UTS2B: variants seen among roughly 807,000 people sequenced by gnomAD.
The protein encoded by UTS2B is urotensin 2B.
UTS2B carries 21 observed loss-of-function variants against 19.2 expected under a neutral mutation model. The ratio of observed to expected loss-of-function variants is 1.09; its 90% CI spans 0.78 to 1.58. UTS2B has a LOEUF of 1.58. Among genes scored for constraint, UTS2B ranks in the 40% most tolerant of loss-of-function variants. The pLI is 0.00. For missense variants in UTS2B, 138 were observed against 130.3 expected, an observed-to-expected ratio of 1.06 and a Z score of -0.29; for synonymous variants, 57 against 50.2, an observed-to-expected ratio of 1.14 and a Z score of -0.58.
intron 2 of UTS2B, among the ~76,000 whole-genome samples, chr3:191,317,012 G>C (rs1384238202): frequency 6.6e-6 from 1 of 152,258 alleles, no homozygotes; most frequent in Non-Finnish European, 1.5e-5. Context: ...CTGCGTGCCT[G>C]CACTCCTCAT....
chr3:191,299,821 C>G lies in UTS2B; in HGVS notation c.-125+4671G>C, dbSNP rs1396783687. On this transcript the variant is annotated intron_variant, in intron 4 of 8. Coordinates refer to ENST00000340524, the MANE Select transcript of UTS2B (RefSeq NM_198152.5). Reference sequence around the variant, plus strand: ...GAGCCACAAGAAATCAACACCAGCCCTTGAGAGCAGCCACGGGGGCTGAAC... The same window carrying G: ...GAGCCACAAGAAATCAACACCAGCCGTTGAGAGCAGCCACGGGGGCTGAAC... 2.6e-5 allele frequency among the ~76,000 whole-genome samples: 4 copies of G among 152,222 alleles called. No individual in the cohort carries two copies. The East Asian group carries it at 5.8e-4, about 22-fold the overall frequency.
intron 4 of UTS2B, among the ~76,000 whole-genome samples, chr3:191,291,019 G>A (rs1212789884): frequency 6.6e-6 from 1 of 152,144 alleles, no homozygotes; most frequent in Non-Finnish European, 1.5e-5. Flanking sequence ...CGGAAGGAAG[G>A]AAGCAAAAGT....
Position 191,282,306 on chromosome 3 carries a change from C to A in UTS2B, c.-117G>T. 7 of 646,768 alleles carry A rather than the reference C, an allele frequency of 1.1e-5. No homozygotes were observed. Among genetic ancestry groups the A allele is most frequent in the South Asian group, 9.0e-5 (4 of 44,682 alleles). 40.1% of individuals were successfully genotyped at this position (646,768 alleles called of 1,614,324 possible). A position where few individuals can be genotyped will look rare whatever the true frequency, so the allele number is the denominator to read the frequency against. ...GCAAAAGGCAAGTGTGCCTCAGTTA[C>A]GAATGATCTAGATGAAGGAAAAAGA... On this transcript the variant is annotated 5_prime_UTR_variant, in exon 5 of 9. Coordinates refer to ENST00000340524, the MANE Select transcript of UTS2B (RefSeq NM_198152.5).
chr3:191,278,045 T>C, intron 6 of UTS2B, 27 bp downstream of exon 6: 1 of 1,197,674 alleles, frequency 8.3e-7, no homozygotes, highest in Non-Finnish European at 1.2e-6. Flanking sequence ...TTTTAATAAA[T>C]AGAGCTTGAC....
At chr3:191,339,848 T>G in the UTS2B span, among the ~76,000 whole-genome samples, 1 of 152,312 alleles carries the variant, frequency 6.6e-6, no homozygotes, top group Non-Finnish European at 1.5e-5. Context: ...GGCACCAGGT[T>G]GAACAAAAGG....
At chr3:191,268,564 G>T in intron 8 of UTS2B, 123 bp from the exon 9 acceptor site, 2 of 618,340 alleles carry the variant, frequency 3.2e-6, no homozygotes, top group Non-Finnish European at 5.7e-6. Context: ...AGTCAATATT[G>T]TAGCTACTAG....
chr3:191,272,400 A>T (rs575397820), intron 8 of UTS2B, among the ~76,000 whole-genome samples: 1 of 152,358 alleles, frequency 6.6e-6, no homozygotes, highest in Non-Finnish European at 1.5e-5. Flanking sequence ...TGGGATTCAG[A>T]TCATGTGCCT....
intron 4 of UTS2B, among the ~76,000 whole-genome samples, chr3:191,295,301 A>G (rs1037342616): frequency 3.9e-5 from 6 of 151,932 alleles, no homozygotes; most frequent in Admixed American, 3.3e-4. Context: ...GCTAAATCCA[A>G]TAAGCACTTG....
intron 3 of UTS2B, among the ~76,000 whole-genome samples, chr3:191,312,764 T>C (rs1048162843): frequency 6.6e-6 from 1 of 152,162 alleles, no homozygotes; most frequent in African/African-American, 2.4e-5. Context: ...ATCTTGAGGA[T>C]TGGCTTTTGA....
chr3:191,289,780 G>A (rs577291052), intron 4 of UTS2B, among the ~76,000 whole-genome samples: 42 of 152,306 alleles, frequency 2.8e-4, no homozygotes, highest in African/African-American at 9.9e-4. Context: ...TAGTTACCAG[G>A]AGCTTGGGTT....
chr3:191,331,671 AT>A (rs1217443369), upstream of UTS2B, among the ~76,000 whole-genome samples: 1 of 152,190 alleles, frequency 6.6e-6, no homozygotes, highest in Non-Finnish European at 1.5e-5. Context: ...GAAGTGATGT[AT>A]TATACTAGGA....
chr3:191,327,777 G>A (rs1717787018), intron 2 of UTS2B, among the ~76,000 whole-genome samples: 1 of 152,016 alleles, frequency 6.6e-6, no homozygotes, highest in Admixed American at 6.5e-5. Flanking sequence ...ATTTGGGGAG[G>A]GAAACAGAAA....
chr3:191,282,440 T>C, intron 4 of UTS2B, 127 bp from the exon 5 acceptor site: 1 of 382,808 alleles, frequency 2.6e-6, no homozygotes, highest in Non-Finnish European at 4.7e-6. Flanking sequence ...AAGAACCCAA[T>C]CAATACATCT....
intron 3 of UTS2B, among the ~76,000 whole-genome samples, chr3:191,308,487 GCAT>G (rs1717203926): frequency 6.6e-6 from 1 of 152,182 alleles, no homozygotes; most frequent in Admixed American, 6.5e-5. Context: ...TCAAGATGGA[GCAT>G]CACATTTATT....
At chr3:191,289,311 A>G (rs1716643666) in intron 4 of UTS2B, among the ~76,000 whole-genome samples, 1 of 151,896 alleles carries the variant, frequency 6.6e-6, no homozygotes, top group African/African-American at 2.4e-5. Flanking sequence ...CGGGAGGCTG[A>G]GGCAGGAGAA....
chr3:191,299,301 C>T (rs1249690584), intron 4 of UTS2B, among the ~76,000 whole-genome samples: 1 of 152,224 alleles, frequency 6.6e-6, no homozygotes, highest in Non-Finnish European at 1.5e-5. Flanking sequence ...CCTTTAGGGG[C>T]AGTCCCTCCC....
At chr3:191,305,510 G>T (rs1217376485) in intron 3 of UTS2B, among the ~76,000 whole-genome samples, 3 of 151,720 alleles carry the variant, frequency 2.0e-5, no homozygotes, top group Non-Finnish European at 4.4e-5. Flanking sequence ...TTTTTTAATG[G>T]GGTTGTTTTC....
intron 2 of UTS2B, among the ~76,000 whole-genome samples, chr3:191,326,451 C>T (rs1034486865): frequency 6.6e-6 from 1 of 152,020 alleles, no homozygotes; most frequent in Admixed American, 6.6e-5. Flanking sequence ...TTTATTGTTA[C>T]CAAATTCACT....
At chr3:191,281,587 A>G (rs532293590) in intron 5 of UTS2B, among the ~76,000 whole-genome samples, 1 of 151,440 alleles carries the variant, frequency 6.6e-6, no homozygotes, top group African/African-American at 2.4e-5. Context: ...TGAAACTGCT[A>G]TGATTTCCCC....
Sources: gnomAD v4.1 joint callset for allele counts (sites outside exome capture counted in the v4.1 genomes callset) on GRCh38, gnomAD v4.1.1 for gene constraint, MANE v1.5 for transcripts, NCBI Gene and HGNC (gene_info 2026-07-23, HGNC 2026-07-21) for gene names.